GALNTL6: variants seen among roughly 807,000 people sequenced by gnomAD.
GALNTL6 encodes the protein polypeptide N-acetylgalactosaminyltransferase like 6.
In GALNTL6, 46 loss-of-function variants were observed where a neutral mutation model predicts 73.7. The observed-to-expected ratio is 0.62, with a 90% CI of 0.49 to 0.80. The LOEUF is 0.80. GALNTL6 is among the 30% of genes least tolerant of loss of function. The probability of loss-of-function intolerance (pLI) is 0.00; values close to 1 mark genes in which losing one functional copy is unlikely to be tolerated. For missense variants in GALNTL6, 604 were observed against 755.0 expected, an observed-to-expected ratio of 0.80 and a Z score of 2.34; for synonymous variants, 259 against 263.7, an observed-to-expected ratio of 0.98 and a Z score of 0.17.
intron 2 of GALNTL6, among the ~76,000 whole-genome samples, chr4:171,884,229 A>G (rs1253670060): frequency 1.3e-5 from 2 of 152,102 alleles, no homozygotes; most frequent in African/African-American, 4.8e-5. Flanking sequence ...TAGCTTTGCT[A>G]TTATCTATGG....
At chr4:172,870,373 A>C (rs1744863337) in intron 7 of GALNTL6, among the ~76,000 whole-genome samples, 1 of 152,070 alleles carries the variant, frequency 6.6e-6, no homozygotes, top group South Asian at 2.1e-4. Flanking sequence ...AGCCTGAGCA[A>C]ATTTCTATAT....
At chr4:172,177,389 C>T (rs147899824) in intron 2 of GALNTL6, among the ~76,000 whole-genome samples, 1 of 152,024 alleles carries the variant, frequency 6.6e-6, no homozygotes, top group East Asian at 1.9e-4. Flanking sequence ...TAGGTATTAC[C>T]TCCAGATAGA....
At chr4:172,082,430 T>G (rs1042705608) in intron 2 of GALNTL6, among the ~76,000 whole-genome samples, 2 of 151,878 alleles carry the variant, frequency 1.3e-5, no homozygotes, top group Non-Finnish European at 2.9e-5. Flanking sequence ...GGGCACAAAA[T>G]GAAATATGTG....
chr4:172,576,624 C>A (rs553812252), intron 5 of GALNTL6, among the ~76,000 whole-genome samples: 1 of 152,212 alleles, frequency 6.6e-6, no homozygotes, highest in East Asian at 1.9e-4. Flanking sequence ...GATTAATTAT[C>A]CTGCTTTGCA....
intron 2 of GALNTL6, among the ~76,000 whole-genome samples, chr4:172,051,745 A>T (rs994108333): frequency 3.3e-5 from 5 of 152,160 alleles, no homozygotes; most frequent in African/African-American, 1.2e-4. Flanking sequence ...GCATGAAAAT[A>T]GGAATGCCTG....
chr4:172,035,699 G>T (rs528342036), intron 2 of GALNTL6, among the ~76,000 whole-genome samples: 1 of 152,176 alleles, frequency 6.6e-6, no homozygotes, highest in Admixed American at 6.6e-5. Context: ...TCTACAAAGC[G>T]ACATGGAGCA....
chr4:172,602,698 G>A (rs1410980794), intron 5 of GALNTL6, among the ~76,000 whole-genome samples: 1 of 152,078 alleles, frequency 6.6e-6, no homozygotes, highest in Non-Finnish European at 1.5e-5. Context: ...TTAAATATAT[G>A]CTTGCTTTGT....
chr4:172,448,643 T>A (rs1732109137), intron 5 of GALNTL6, among the ~76,000 whole-genome samples: 1 of 152,184 alleles, frequency 6.6e-6, no homozygotes, highest in Admixed American at 6.5e-5. Flanking sequence ...GTTTAGATAT[T>A]ATTGACAACG....
At chr4:172,405,423 ATATATATATATATATATATATTTTTTTTT>A (rs1398512958) in intron 5 of GALNTL6, among the ~76,000 whole-genome samples, 1,389 of 20,600 alleles carry the variant, frequency 0.067, 54 homozygotes, top group African/African-American at 0.15. Context: ...ATATATATAT[ATATATATATATATATATATATTTTTTTTT>A]TTTTTTTTTT....
chr4:172,682,131 T>A (rs966836963), intron 5 of GALNTL6, among the ~76,000 whole-genome samples: 1 of 152,122 alleles, frequency 6.6e-6, no homozygotes, highest in Non-Finnish European at 1.5e-5. Flanking sequence ...CACAGAAATA[T>A]AGAACACAAA....
chr4:172,328,220 A>G (rs1741009418), intron 4 of GALNTL6, among the ~76,000 whole-genome samples: 1 of 152,012 alleles, frequency 6.6e-6, no homozygotes, highest in Non-Finnish European at 1.5e-5. Flanking sequence ...TATGCTCCCA[A>G]TCTCTTCTTT....
intron 7 of GALNTL6, among the ~76,000 whole-genome samples, chr4:172,831,392 A>T (rs551503906): frequency 1.1e-4 from 17 of 152,286 alleles, no homozygotes; most frequent in African/African-American, 4.1e-4. Context: ...TGTACTGCAG[A>T]TGCTCTGCAA....
chr4:172,480,284 G>A (rs541728224), intron 5 of GALNTL6, among the ~76,000 whole-genome samples: 2 of 151,906 alleles, frequency 1.3e-5, no homozygotes, highest in Admixed American at 6.6e-5. Context: ...CTGTACTCCA[G>A]CCTAGGCAAC....
intron 2 of GALNTL6, among the ~76,000 whole-genome samples, chr4:172,038,925 G>A (rs1385082802): frequency 6.6e-6 from 1 of 152,162 alleles, no homozygotes; most frequent in African/African-American, 2.4e-5. Flanking sequence ...AGAGAATCTA[G>A]ATCTTTCTCT....
chr4:172,556,387 C>T (rs1171296789), intron 5 of GALNTL6, among the ~76,000 whole-genome samples: 1 of 152,044 alleles, frequency 6.6e-6, no homozygotes, highest in Non-Finnish European at 1.5e-5. Flanking sequence ...AAGGGTCTCT[C>T]CCCATGTGAC....
At chr4:172,017,988 A>C (rs908516089) in intron 2 of GALNTL6, among the ~76,000 whole-genome samples, 11 of 152,082 alleles carry the variant, frequency 7.2e-5, no homozygotes, top group African/African-American at 2.7e-4. Context: ...GACTTTCTCA[A>C]ATCCTGTTTA....
chr4:172,765,140 G>C (rs1431779044), intron 5 of GALNTL6, among the ~76,000 whole-genome samples: 1 of 152,160 alleles, frequency 6.6e-6, no homozygotes, highest in East Asian at 1.9e-4. Context: ...GGCACTTCAG[G>C]AGGATGTGCT....
At chr4:172,935,301 A>G (rs57122068) in intron 9 of GALNTL6, among the ~76,000 whole-genome samples, 1 of 152,224 alleles carries the variant, frequency 6.6e-6, no homozygotes, top group Non-Finnish European at 1.5e-5. Flanking sequence ...ATACTGCTGT[A>G]TTTCACCTCT....
intron 10 of GALNTL6, among the ~76,000 whole-genome samples, chr4:172,973,874 T>C (rs1024191916): frequency 6.6e-6 from 1 of 152,186 alleles, no homozygotes; most frequent in African/African-American, 2.4e-5. Flanking sequence ...GGTATTGACT[T>C]CGAAACGCTC....
Sources: allele counts gnomAD v4.1 joint callset (sites outside exome capture counted in the v4.1 genomes callset), GRCh38; gene constraint gnomAD v4.1.1; transcripts MANE v1.5; gene names NCBI Gene and HGNC (gene_info 2026-07-23, HGNC 2026-07-21).